Variants in NRN1L observed in about 807,000 individuals in gnomAD.
NRN1L encodes neuritin 1 like, also known as neuritin-like protein.
A neutral mutation model predicts 8.8 loss-of-function variants in NRN1L; 12 were observed. That is an observed-to-expected ratio of 1.36 (90% CI 0.87 to 2.20). NRN1L has a LOEUF of 2.20. Among genes scored for constraint, NRN1L ranks in the 30% most tolerant of loss-of-function variants. NRN1L has a pLI of 0.00. For synonymous variants in NRN1L, 114 were observed against 99.2 expected (o/e 1.15, Z -0.88); for missense variants, 266 against 232.4 (o/e 1.14, Z -0.94).
At position 67,885,737 on chromosome 16, in the gene NRN1L, T is replaced by C; in HGVS notation, c.95T>C (p.Leu32Pro). The C allele has an allele frequency of 9.4e-7, 1 of 1,061,292 alleles. No individual in the cohort carries two copies. The highest frequency in any genetic ancestry group is 1.2e-5 in the South Asian group (1 of 80,622). The allele number at this position is 1,061,292 out of a possible 1,614,324, so 65.7% of individuals were successfully genotyped here. A position where few individuals can be genotyped will look rare whatever the true frequency, so the allele number is the denominator to read the frequency against. ...CCACTTCTAGTCCTTTTACCTCCCCTGGCAGCAGCTGCAGCGGGCCCAAAC... is the reference window on the plus strand; with the variant it reads ...CCACTTCTAGTCCTTTTACCTCCCCCGGCAGCAGCTGCAGCGGGCCCAAAC... ...LLLPLVLLPP[L>P]AAAAAGPNRC... The change falls in exon 2 of 3, where the codon CTG becomes CCG. Residue 32 changes from leucine to proline, a missense_variant. By Grantham distance (98) the Leu-to-Pro change is moderately conservative. Transcript: ENST00000339176.
At chr16:67,885,117 A>G in intron 1 of NRN1L, 135 bp downstream of exon 1, 1 of 702,660 alleles carries the variant, frequency 1.4e-6, no homozygotes, top group African/African-American at 1.8e-5. Context: ...TGTGCTGGTG[A>G]CTTCAGGACA....
Position 67,885,995 on chromosome 16 carries a change from C to T in NRN1L, c.234C>T (p.Ala78=), listed in dbSNP as rs2058094564. Residue 78 remains alanine, a synonymous_variant, in exon 3 of 3, where the codon GCC becomes GCT. Coordinates refer to ENST00000339176, the MANE Select transcript of NRN1L (RefSeq NM_198443.2). ...TICRSWNDFH[A]CASQVLSGCP... ...ACAGGTCTTGGAATGACTTCCATGCCTGTGCCTCTCAGGTCCTGTCAGGCT... is the reference window on the plus strand; with the variant it reads ...ACAGGTCTTGGAATGACTTCCATGCTTGTGCCTCTCAGGTCCTGTCAGGCT... The T allele has an allele frequency of 6.2e-7, 1 of 1,614,070 alleles. No homozygotes were observed. The highest frequency in any genetic ancestry group is 1.1e-5 in the South Asian group (1 of 91,092).
At chr16:67,885,933 C>G (rs2058094271) in intron 2 of NRN1L, 41 bp from the exon 3 acceptor site, 2 of 1,601,160 alleles carry the variant, frequency 1.2e-6, no homozygotes, top group Non-Finnish European at 1.7e-6. Flanking sequence ...GCTAAAGTCT[C>G]CTTGCCTCAC....
downstream of NRN1L, among the ~76,000 whole-genome samples, chr16:67,886,685 GGCC>G (rs2058097715): frequency 1.3e-5 from 2 of 152,116 alleles, no homozygotes; most frequent in Non-Finnish European, 1.5e-5. Flanking sequence ...CTTCTATCCT[GGCC>G]CCTGGGGGCC....
downstream of NRN1L, among the ~76,000 whole-genome samples, chr16:67,886,527 G>A (rs796497419): frequency 5.3e-5 from 8 of 152,296 alleles, no homozygotes; most frequent in African/African-American, 1.9e-4. Flanking sequence ...CAGTGGCAGC[G>A]CAAAGCTTTC....
At chr16:67,888,608 C>G (rs2058103081), downstream of NRN1L, 1 of 152,076 alleles carries the variant, frequency 6.6e-6, no homozygotes, top group Admixed American at 6.6e-5. Context: ...GCTGGCTGGG[C>G]CCTGGGCACA....
At chr16:67,885,286 T>C (rs958791552) in intron 1 of NRN1L, 1 of 551,900 alleles carries the variant, frequency 1.8e-6, no homozygotes, top group Non-Finnish European at 3.2e-6. Context: ...CCAATACCTC[T>C]GCATCCTGCC....
rs751683931 is a variant in NRN1L at position 67,884,987 on chromosome 16, G to C, written c.79+5G>C. The C allele has an allele frequency of 5.6e-6, 9 of 1,606,258 alleles. No homozygotes were observed. The South Asian group carries it at 7.7e-5, about 14-fold the overall frequency. ...CGTTGCTGTTGCTGCCCCTCGGTGA[G>C]TGCGGGCATCCGGGGCCCGGGCCAC... On this transcript the variant is annotated splice_donor_5th_base_variant and intron_variant, in intron 1 of 2. Transcript: ENST00000339176. The surrounding 1 kb of genome is among the most constrained non-coding windows in gnomAD (Gnocchi z 4.1).
chr16:67,885,164 A>T (rs1339404402), intron 1 of NRN1L, 182 bp downstream of exon 1: 2 of 607,366 alleles, frequency 3.3e-6, no homozygotes, highest in Non-Finnish European at 5.8e-6. Flanking sequence ...GTTATGGGAG[A>T]AGGACTCCAA....
intron 1 of NRN1L, 42 bp from the exon 2 acceptor site, chr16:67,885,680 A>G (rs2058092563): frequency 7.7e-7 from 1 of 1,291,596 alleles, no homozygotes; most frequent in Non-Finnish European, 1.1e-6. Context: ...GGCTCATCCT[A>G]TCTACCATTC....
At chr16:67,886,635 G>A (rs888917661), downstream of NRN1L, among the ~76,000 whole-genome samples, 1 of 152,172 alleles carries the variant, frequency 6.6e-6, no homozygotes, top group Non-Finnish European at 1.5e-5. Context: ...GAGATCGGGA[G>A]GGTGGGGTCT....
Position 67,885,766 on chromosome 16 carries a change from T to C in NRN1L, c.124T>C (p.Cys42Arg), listed in dbSNP as rs748328780. Residue 42 changes from cysteine (C) to arginine (R), a missense_variant, in exon 2 of 3, where the codon TGT becomes CGT. Physicochemically the swap from Cys to Arg is radical, Grantham distance 180 (BLOSUM62 -3). Coordinates refer to ENST00000339176, the MANE Select transcript of NRN1L (RefSeq NM_198443.2). ...AGCAGCTGCAGCGGGCCCAAACCGA[T>C]GTGACACCATATACCAGGGCTTCGC... is the stretch of plus-strand genomic sequence containing the variant. ...LAAAAAGPNRCDTIYQGFAEC... is the reference protein window; with the variant it reads ...LAAAAAGPNRRDTIYQGFAEC... 5 of 1,435,702 alleles carry C rather than the reference T, an allele frequency of 3.5e-6. No homozygotes were observed. The highest frequency in any genetic ancestry group is 3.8e-6 in the Non-Finnish European group (4 of 1,066,504). The allele number at this position is 1,435,702 out of a possible 1,614,324, so 88.9% of individuals were successfully genotyped here. A position where few individuals can be genotyped will look rare whatever the true frequency, so the allele number is the denominator to read the frequency against.
Position 67,886,178 on chromosome 16 carries a change from G to T in NRN1L, c.417G>T (p.Ala139=), listed in dbSNP as rs138120680. Residue 139 remains alanine (A), a synonymous_variant, in exon 3 of 3, where the codon GCG becomes GCT. Transcript: ENST00000339176. ...ACCAGGAGACGCTGCGGGCTACAGCGCCTGCACTCCCCATGGCCCCTGCGC... is the reference window on the plus strand; with the variant it reads ...ACCAGGAGACGCTGCGGGCTACAGCTCCTGCACTCCCCATGGCCCCTGCGC... ...ETNQETLRAT[A]PALPMAPAPP... is the part of the protein sequence containing the mutation. The T allele has an allele frequency of 3.7e-6, 6 of 1,605,472 alleles. No individual in the cohort carries two copies. Among genetic ancestry groups the T allele is most frequent in the Non-Finnish European group, 5.1e-6 (6 of 1,179,454 alleles).
In NRN1L at chr16:67,885,711, C is replaced by T. The variant is rs1480487387; in HGVS notation, c.80-11C>T. Reference sequence around the variant, plus strand: ...CATTCCTTCCCCACCCCACCCCCGCCCCACTTCTAGTCCTTTTACCTCCCC... The same window carrying T: ...CATTCCTTCCCCACCCCACCCCCGCTCCACTTCTAGTCCTTTTACCTCCCC... On this transcript the variant is annotated splice_polypyrimidine_tract_variant and intron_variant, in intron 1 of 2. Transcript: ENST00000339176. The T allele has an allele frequency of 1.3e-6, 2 of 1,504,310 alleles. No homozygotes were observed. Among genetic ancestry groups the T allele is most frequent in the Non-Finnish European group, 1.8e-6 (2 of 1,100,152 alleles). 93.2% of individuals were successfully genotyped at this position (1,504,310 alleles called of 1,614,324 possible).
At chr16:67,886,972 G>T (rs1339889072), downstream of NRN1L, among the ~76,000 whole-genome samples, 30 of 152,226 alleles carry the variant, frequency 2.0e-4, no homozygotes, top group Admixed American at 2.0e-3. Flanking sequence ...TCTGGCCTCT[G>T]CTCTCCACAA....
chr16:67,885,701 C>T (rs1323044004), intron 1 of NRN1L, 21 bp from the exon 2 acceptor site: 5 of 1,151,746 alleles, frequency 4.3e-6, no homozygotes, highest in South Asian at 1.5e-5. Context: ...CTTCCCCACC[C>T]CACCCCCGCC....
In NRN1L at chr16:67,885,854, G is replaced by T; in HGVS notation, c.212G>T (p.Arg71Met). The T allele has an allele frequency of 1.9e-6, 3 of 1,569,430 alleles. No individual in the cohort carries two copies. Among genetic ancestry groups the T allele is most frequent in the Non-Finnish European group, 2.6e-6 (3 of 1,157,794 alleles). The change falls in exon 2 of 3, where the codon AGG (arginine) becomes ATG (methionine). Residue 71 changes from arginine to methionine, a missense_variant and splice_region_variant. Physicochemically the swap from Arg to Met is moderately conservative, Grantham distance 91. Transcript: ENST00000339176. Reference sequence around the variant, plus strand: ...GGAGGCGAGCTGGAGACCATCTGCAGGTACCGGCGGGTGTGAGGCAGTGGC... The same window carrying T: ...GGAGGCGAGCTGGAGACCATCTGCATGTACCGGCGGGTGTGAGGCAGTGGC... ...GRGGELETIC[R>M]SWNDFHACAS... is the part of the protein sequence containing the mutation.
chr16:67,887,140 G>C (rs1280197519), downstream of NRN1L, among the ~76,000 whole-genome samples: 4 of 152,140 alleles, frequency 2.6e-5, no homozygotes, highest in African/African-American at 9.7e-5. Context: ...TCTGAGGAAG[G>C]AGAAAGCCTT....
In NRN1L at chr16:67,886,171, C is replaced by T. The variant is rs762165265; in HGVS notation, c.410C>T (p.Ala137Val). The change falls in exon 3 of 3, where the codon GCT (alanine) becomes GTT (valine). Residue 137 changes from alanine to valine, a missense_variant. Coordinates refer to ENST00000339176, the MANE Select transcript of NRN1L (RefSeq NM_198443.2). ...GSETNQETLR[A>V]TAPALPMAPA... is the part of the protein sequence containing the mutation. Reference sequence around the variant, plus strand: ...GAAACCAACCAGGAGACGCTGCGGGCTACAGCGCCTGCACTCCCCATGGCC... The same window carrying T: ...GAAACCAACCAGGAGACGCTGCGGGTTACAGCGCCTGCACTCCCCATGGCC... 3 of 1,606,408 alleles carry T rather than the reference C, an allele frequency of 1.9e-6. No homozygotes were observed. The Admixed American group carries it at 5.0e-5, about 27-fold the overall frequency.
Sources: allele counts gnomAD v4.1 joint callset (sites outside exome capture counted in the v4.1 genomes callset), GRCh38; gene constraint gnomAD v4.1.1; non-coding constraint Gnocchi (gnomAD v3.1); transcripts MANE v1.5; gene names NCBI Gene and HGNC (gene_info 2026-07-23, HGNC 2026-07-21).